The following SPECC1 variants were observed in gnomAD, a reference collection of about 807,000 sequenced individuals.
The protein encoded by SPECC1 is sperm antigen with calponin homology and coiled-coil domains 1.
SPECC1 carries 62 observed loss-of-function variants against 104.1 expected under a neutral mutation model. That is an observed-to-expected ratio of 0.60 (90% confidence interval 0.49 to 0.74). SPECC1 has a LOEUF of 0.74. Ranked by LOEUF, SPECC1 falls within the 30% of genes least tolerant of loss-of-function variation. SPECC1 has a pLI of 0.00. For synonymous variants in SPECC1, 513 were observed against 501.6 expected, an observed-to-expected ratio of 1.02 and a Z score of -0.30; for missense variants, 1,306 against 1,310.5, an observed-to-expected ratio of 1.00 and a Z score of 0.05.
intron 12 of SPECC1, among the ~76,000 whole-genome samples, chr17:20,274,566 C>T (rs1379505889): frequency 6.8e-6 from 1 of 147,578 alleles, no homozygotes. Flanking sequence ...CTGCAATCTC[C>T]GCCTCCCAGG....
chr17:20,196,425 C>T (rs971563646), intron 3 of SPECC1, among the ~76,000 whole-genome samples: 1 of 152,188 alleles, frequency 6.6e-6, no homozygotes, highest in African/African-American at 2.4e-5. Flanking sequence ...CCACATGTCC[C>T]CAGGCCTTAC....
chr17:20,117,333 G>C (rs944996957), intron 3 of SPECC1, among the ~76,000 whole-genome samples: 1 of 152,076 alleles, frequency 6.6e-6, no homozygotes, highest in Admixed American at 6.5e-5. Flanking sequence ...CTTGGCCTTG[G>C]AAGAACCTTT....
intron 3 of SPECC1, among the ~76,000 whole-genome samples, chr17:20,135,128 C>G (rs1387504091): frequency 1.3e-5 from 2 of 152,100 alleles, no homozygotes; most frequent in African/African-American, 4.8e-5. Context: ...TTCTCTTTTC[C>G]TGAAAGTTTG....
At chr17:20,163,483 T>C (rs991398463) in intron 3 of SPECC1, among the ~76,000 whole-genome samples, 5 of 152,242 alleles carry the variant, frequency 3.3e-5, no homozygotes, top group African/African-American at 1.2e-4. Flanking sequence ...TAAAGTCTTA[T>C]AAATTTAATA....
intron 4 of SPECC1, among the ~76,000 whole-genome samples, chr17:20,206,393 A>G (rs1281227512): frequency 6.6e-6 from 1 of 152,170 alleles, no homozygotes; most frequent in Non-Finnish European, 1.5e-5. Flanking sequence ...TATTACCACT[A>G]TTTTGGTGTT....
chr17:20,204,653 G>C lies in SPECC1; in HGVS notation c.604G>C (p.Ala202Pro). 1 of 1,614,072 alleles carries C rather than the reference G, an allele frequency of 6.2e-7. No individual in the cohort carries two copies. Among genetic ancestry groups the C allele is most frequent in the Non-Finnish European group, 8.5e-7 (1 of 1,180,014 alleles). ...KKYKEKRTLN[A>P]EGTDALGPNV... is the part of the protein sequence containing the mutation. ...ATACAAAGAGAAAAGGACTCTGAAC[G>C]CTGAGGGGACTGATGCTTTGGGCCC... Residue 202 changes from alanine to proline, a missense_variant, in exon 4 of 15, where the codon GCT becomes CCT. Ala to Pro is a conservative substitution (Grantham distance 27). Coordinates refer to ENST00000395527, the MANE Select transcript of SPECC1 (RefSeq NM_001243439.2).
intron 3 of SPECC1, among the ~76,000 whole-genome samples, chr17:20,148,225 T>C (rs942526694): frequency 2.0e-5 from 3 of 152,152 alleles, no homozygotes; most frequent in Non-Finnish European, 4.4e-5. Flanking sequence ...TTTTTGGTAA[T>C]ATGATAAATT....
intron 1 of SPECC1, among the ~76,000 whole-genome samples, chr17:20,060,846 A>G (rs993322100): frequency 2.0e-5 from 3 of 152,250 alleles, no homozygotes; most frequent in Non-Finnish European, 4.4e-5. Flanking sequence ...GCTAATTTTA[A>G]CAGATATAAA....
At chr17:20,120,600 G>T (rs2048978976) in intron 3 of SPECC1, among the ~76,000 whole-genome samples, 1 of 152,120 alleles carries the variant, frequency 6.6e-6, no homozygotes, top group Admixed American at 6.6e-5. Context: ...CTTGTAGGGG[G>T]CAGAATTCTT....
At chr17:20,286,011 G>A (rs1028221028) in intron 12 of SPECC1, among the ~76,000 whole-genome samples, 23 of 152,018 alleles carry the variant, frequency 1.5e-4, no homozygotes, top group African/African-American at 5.1e-4. Flanking sequence ...ACAGGGTCCC[G>A]CCATGTTGCC....
intron 1 of SPECC1, among the ~76,000 whole-genome samples, chr17:20,075,807 T>G (rs1455253541): frequency 6.6e-6 from 1 of 152,040 alleles, no homozygotes; most frequent in Non-Finnish European, 1.5e-5. Flanking sequence ...ACAAGCTAAG[T>G]GTGGCGATGT....
intron 7 of SPECC1, among the ~76,000 whole-genome samples, chr17:20,243,093 A>G (rs955614978): frequency 2.0e-5 from 3 of 152,320 alleles, no homozygotes; most frequent in South Asian, 2.1e-4. Flanking sequence ...GTGTGTTTGT[A>G]AACAGTCATG....
intron 3 of SPECC1, among the ~76,000 whole-genome samples, chr17:20,191,765 T>C (rs974805061): frequency 1.1e-4 from 16 of 152,118 alleles, no homozygotes; most frequent in African/African-American, 2.4e-5. Context: ...TTTCTGTATA[T>C]ACCCCTTAAT....
intron 3 of SPECC1, among the ~76,000 whole-genome samples, chr17:20,195,125 T>C (rs1327815818): frequency 2.0e-5 from 3 of 152,072 alleles, no homozygotes; most frequent in Non-Finnish European, 2.9e-5. Context: ...TCCATGAGAG[T>C]CCTGAAAGTT....
chr17:20,257,669 C>T, intron 11 of SPECC1, 62 bp downstream of exon 11: 1 of 1,585,892 alleles, frequency 6.3e-7, no homozygotes, highest in East Asian at 2.2e-5. Context: ...TTTATTCTTC[C>T]TTCCGTTTTG....
intron 3 of SPECC1, among the ~76,000 whole-genome samples, chr17:20,147,045 C>T (rs2031533689): frequency 6.6e-6 from 1 of 151,490 alleles, no homozygotes; most frequent in Non-Finnish European, 1.5e-5. Flanking sequence ...TTTGGATTTT[C>T]ACCATTCTAA....
chr17:20,059,041 C>T (rs1027328488), intron 1 of SPECC1, among the ~76,000 whole-genome samples: 15 of 151,576 alleles, frequency 9.9e-5, no homozygotes, highest in Admixed American at 2.6e-4. Context: ...GGGGTTTCAC[C>T]GTTTTAGCCA....
intron 12 of SPECC1, among the ~76,000 whole-genome samples, chr17:20,271,776 CTT>C (rs1298933776): frequency 5.3e-5 from 8 of 150,496 alleles, no homozygotes; most frequent in African/African-American, 2.0e-4. Context: ...TTTTTTTTCC[CTT>C]TGTTTTTTTT....
intron 5 of SPECC1, among the ~76,000 whole-genome samples, chr17:20,229,264 CAGTG>C (rs1414954053): frequency 1.3e-5 from 2 of 152,120 alleles, no homozygotes; most frequent in African/African-American, 4.8e-5. Flanking sequence ...TCCCCAAGCA[CAGTG>C]AGGTTGAGAC....
Sources: allele counts gnomAD v4.1 joint callset (sites outside exome capture counted in the v4.1 genomes callset), GRCh38; gene constraint gnomAD v4.1.1; transcripts MANE v1.5; gene names NCBI Gene and HGNC (gene_info 2026-07-23, HGNC 2026-07-21).